Variants in MKLN1 observed in about 807,000 individuals in gnomAD.
MKLN1 encodes the protein muskelin 1.
A neutral mutation model predicts 99.0 loss-of-function variants in MKLN1; 18 were observed. The observed-to-expected ratio is 0.18, with a 90% confidence interval of 0.13 to 0.27. MKLN1 has a LOEUF of 0.27. Among genes scored for constraint, MKLN1 ranks in the 10% least tolerant of loss-of-function variants. The probability of loss-of-function intolerance (pLI) is 1.00; values close to 1 mark genes in which losing one functional copy is unlikely to be tolerated. For synonymous variants in MKLN1, 288 were observed against 293.2 expected (o/e 0.98, Z 0.18); for missense variants, 621 against 875.9 (o/e 0.71, Z 3.67).
chr7:131,348,831 G>T (rs1479000562), intron 1 of MKLN1, among the ~76,000 whole-genome samples: 1 of 152,166 alleles, frequency 6.6e-6, no homozygotes, highest in East Asian at 1.9e-4. Flanking sequence ...GGTATAGAGA[G>T]AACACTGACC....
intron 3 of MKLN1, chr7:131,311,169 G>C (rs1435173297): frequency 1.3e-5 from 2 of 152,096 alleles, no homozygotes; most frequent in Non-Finnish European, 2.9e-5. Flanking sequence ...GATCTCCAAA[G>C]TTATCAGAAA....
chr7:131,458,880 T>C (rs554158973), intron 12 of MKLN1, among the ~76,000 whole-genome samples: 4 of 152,290 alleles, frequency 2.6e-5, no homozygotes, highest in Admixed American at 2.6e-4. Context: ...TTGTTACTGA[T>C]AAGTTGTAGG....
chr7:131,416,250 G>T (rs561097241), intron 8 of MKLN1, among the ~76,000 whole-genome samples: 1 of 152,260 alleles, frequency 6.6e-6, no homozygotes, highest in East Asian at 1.9e-4. Flanking sequence ...ACCTTATCTG[G>T]GGAGGCAGAA....
intron 17 of MKLN1, among the ~76,000 whole-genome samples, chr7:131,483,566 T>G (rs763604959): frequency 2.0e-5 from 3 of 152,222 alleles, no homozygotes; most frequent in Non-Finnish European, 4.4e-5. Context: ...TCAACATCAC[T>G]CTAACTCATA....
chr7:131,381,275 A>G (rs1053490278), intron 2 of MKLN1, among the ~76,000 whole-genome samples: 1 of 152,200 alleles, frequency 6.6e-6, no homozygotes, highest in African/African-American at 2.4e-5. Flanking sequence ...AACCAACCCT[A>G]GAGAGTTTTC....
At chr7:131,111,499 A>G (rs1159830249) in intron 1 of MKLN1, among the ~76,000 whole-genome samples, 2 of 152,250 alleles carry the variant, frequency 1.3e-5, no homozygotes, top group African/African-American at 4.8e-5. Flanking sequence ...ACTAGCTGGT[A>G]AAACATTATC....
chr7:131,230,723 T>G (rs1797228972), intron 3 of MKLN1, among the ~76,000 whole-genome samples: 1 of 152,162 alleles, frequency 6.6e-6, no homozygotes, highest in Non-Finnish European at 1.5e-5. Flanking sequence ...CCCTGTGCCT[T>G]CCTTCCCTAC....
At chr7:131,284,458 A>G (rs1798103462) in intron 3 of MKLN1, among the ~76,000 whole-genome samples, 1 of 152,120 alleles carries the variant, frequency 6.6e-6, no homozygotes, top group Non-Finnish European at 1.5e-5. Flanking sequence ...TGATATGTGG[A>G]TTGTCACGCT....
At chr7:131,326,181 A>T (rs1798885393), upstream of MKLN1, among the ~76,000 whole-genome samples, 1 of 152,166 alleles carries the variant, frequency 6.6e-6, no homozygotes, top group Admixed American at 6.5e-5. Flanking sequence ...TTTTCTTCAA[A>T]GATAACCACT....
Position 131,252,329 on chromosome 7 carries a change from C to CTTTT in MKLN1, c.-179+49369_-179+49372dup, listed in dbSNP as rs60581249. ...CATAGTGAAAGGACTTTTTTCTTTT[C>CTTTT]TTTTTTTTTTTTTTTTTGAGATGGA... On this transcript the variant is annotated intron_variant, in intron 3 of 7. Transcript: ENST00000416992. Among the ~76,000 whole-genome samples the CTTTT allele has an allele frequency of 4.2e-5, 5 of 118,524 alleles. 1 individual carries two copies. The highest frequency in any genetic ancestry group is 6.7e-5 in the Non-Finnish European group (4 of 60,032). 77.8% of individuals were successfully genotyped at this position (118,524 alleles called of 152,430 possible).
At chr7:131,167,285 G>A (rs1186463053) in intron 2 of MKLN1, among the ~76,000 whole-genome samples, 6 of 152,092 alleles carry the variant, frequency 3.9e-5, no homozygotes, top group Non-Finnish European at 7.4e-5. Context: ...AAGCAATTTG[G>A]CAGTAAGTAT....
chr7:131,222,471 G>A (rs1315789017), intron 3 of MKLN1, among the ~76,000 whole-genome samples: 4 of 152,164 alleles, frequency 2.6e-5, no homozygotes, highest in Non-Finnish European at 5.9e-5. Context: ...TCTGGTTTAT[G>A]TAGAGTCTCC....
chr7:131,219,013 A>T (rs1241720629), intron 3 of MKLN1, among the ~76,000 whole-genome samples: 2 of 152,172 alleles, frequency 1.3e-5, no homozygotes, highest in Non-Finnish European at 2.9e-5. Context: ...GTCAATTCTT[A>T]GGAACAGAAA....
chr7:131,390,606 G>A (rs1168551490), intron 4 of MKLN1, among the ~76,000 whole-genome samples: 2 of 151,894 alleles, frequency 1.3e-5, no homozygotes, highest in Non-Finnish European at 2.9e-5. Context: ...GTGATGTTTT[G>A]ACATATGAAT....
intron 2 of MKLN1, among the ~76,000 whole-genome samples, chr7:131,381,641 CACT>C (rs901138472): frequency 1.6e-4 from 25 of 152,176 alleles, no homozygotes; most frequent in African/African-American, 6.0e-4. Flanking sequence ...CCACCACCAC[CACT>C]GCCATCATTT....
chr7:131,355,672 G>GTT, intron 1 of MKLN1, among the ~76,000 whole-genome samples: 1 of 124,160 alleles, frequency 8.1e-6, no homozygotes, highest in Non-Finnish European at 1.7e-5. Context: ...GGGGTTTTTT[G>GTT]TTTTTTTTTT....
intron 2 of MKLN1, among the ~76,000 whole-genome samples, chr7:131,174,688 A>C (rs1291509793): frequency 6.6e-6 from 1 of 152,198 alleles, no homozygotes; most frequent in Non-Finnish European, 1.5e-5. Flanking sequence ...TTTTGGAATA[A>C]AAAATGATCC....
chr7:131,255,058 T>A (rs370105853), intron 3 of MKLN1, among the ~76,000 whole-genome samples: 82 of 152,142 alleles, frequency 5.4e-4, no homozygotes, highest in African/African-American at 1.8e-3. Context: ...CTGGCTAGTT[T>A]AAAAAAATTT....
chr7:131,469,881 C>CTT (rs11437302), intron 15 of MKLN1, among the ~76,000 whole-genome samples: 1,494 of 146,546 alleles, frequency 0.01, 9 homozygotes, highest in African/African-American at 0.013. Flanking sequence ...CTCAGTTTTG[C>CTT]TTTTTTTTTT....
Sources: gnomAD v4.1 joint callset for allele counts (sites outside exome capture counted in the v4.1 genomes callset) on GRCh38, gnomAD v4.1.1 for gene constraint, MANE v1.5 for transcripts, NCBI Gene and HGNC (gene_info 2026-07-23, HGNC 2026-07-21) for gene names.